Variants in CCP110 observed in about 807,000 individuals in gnomAD.
CCP110 encodes centriolar coiled-coil protein of 110 kDa.
A neutral mutation model predicts 105.5 loss-of-function variants in CCP110; 43 were observed. That is an observed-to-expected ratio of 0.41 (90% CI 0.32 to 0.53). The LOEUF (loss-of-function observed/expected upper bound fraction) is 0.53. Among genes scored for constraint, CCP110 ranks in the 20% least tolerant of loss-of-function variants. The pLI, the probability that CCP110 is intolerant of heterozygous loss-of-function variation, is 0.32. For missense variants in CCP110, 1,016 were observed against 1,189.1 expected (o/e 0.85, Z 2.14); for synonymous variants, 353 against 392.1 (o/e 0.90, Z 1.18).
intron 14 of CCP110, among the ~76,000 whole-genome samples, chr16:19,549,599 G>T (rs2151485594): frequency 6.6e-6 from 1 of 152,306 alleles, no homozygotes; most frequent in South Asian, 2.1e-4. Context: ...TGTCTTAAAG[G>T]ATTACATAGC....
exon 4 of CCP110, chr16:19,537,567 T>C: frequency 1.9e-6 from 3 of 1,571,222 alleles, no homozygotes; most frequent in Non-Finnish European, 2.6e-6. Context: ...AAGAATAAAA[T>C]GTTAGGAACT....
At chr16:19,537,465 A>T in exon 4 of CCP110, 1 of 1,612,976 alleles carries the variant, frequency 6.2e-7, no homozygotes, top group Non-Finnish European at 8.5e-7. Context: ...CAAAAAGAAA[A>T]CTGCCCTTAT....
intron 3 of CCP110, among the ~76,000 whole-genome samples, chr16:19,532,883 C>A (rs1969923680): frequency 6.6e-6 from 1 of 152,196 alleles, no homozygotes; most frequent in Non-Finnish European, 1.5e-5. Context: ...ACTAATTAGA[C>A]TATTGACTAA....
exon 4 of CCP110, chr16:19,536,006 G>C: frequency 1.9e-6 from 3 of 1,613,968 alleles, no homozygotes; most frequent in Non-Finnish European, 2.5e-6. Flanking sequence ...CTCTAATTCA[G>C]AAGTCAGAAA....
chr16:19,524,784 A>G (rs137893986), intron 1 of CCP110: 2 of 152,286 alleles, frequency 1.3e-5, no homozygotes, highest in East Asian at 3.9e-4. Context: ...TTTCAGTTTC[A>G]TTTGAAACCT....
chr16:19,539,684 A>T (rs1597267008), intron 4 of CCP110, among the ~76,000 whole-genome samples: 1 of 151,742 alleles, frequency 6.6e-6, no homozygotes, highest in South Asian at 2.1e-4. Flanking sequence ...GAGCTCTAAT[A>T]AAAACAACCA....
chr16:19,530,138 G>A (rs1969812391), intron 2 of CCP110, among the ~76,000 whole-genome samples: 2 of 151,850 alleles, frequency 1.3e-5, no homozygotes, highest in East Asian at 1.9e-4. Flanking sequence ...CTGAGGCTGC[G>A]GTGAACCCTG....
At chr16:19,546,174 CT>C in intron 11 of CCP110, 1 of 510,602 alleles carries the variant, frequency 2.0e-6, no homozygotes, top group South Asian at 3.2e-5. Flanking sequence ...AAATATATTC[CT>C]TTTCTGATGT....
chr16:19,525,045 A>G (rs148566147), intron 1 of CCP110: 3 of 152,332 alleles, frequency 2.0e-5, no homozygotes, highest in African/African-American at 7.2e-5. Flanking sequence ...CTGGCTTGCC[A>G]AGAACTTGCA....
intron 1 of CCP110, chr16:19,527,116 A>G (rs1969699895): frequency 6.6e-6 from 1 of 152,194 alleles, no homozygotes; most frequent in Admixed American, 6.5e-5. Flanking sequence ...GGATTGTTTT[A>G]AGTAGTTTGG....
At chr16:19,533,469 AAG>A (rs1476218170) in intron 3 of CCP110, among the ~76,000 whole-genome samples, 1 of 152,132 alleles carries the variant, frequency 6.6e-6, no homozygotes, top group African/African-American at 2.4e-5. Context: ...GGAAAGAGGA[AAG>A]AAAAAAAAAG....
Position 19,532,620 on chromosome 16 carries a change from A to G in CCP110, c.270+76A>G, listed in dbSNP as rs1969914337. ...GTTGATGATAATTTTTCTGAAATAT[A>G]TTTGCACTTAACTAATTACTAATGT... On this transcript the variant is annotated intron_variant, in intron 3 of 14. Transcript: ENST00000381396. The G allele has an allele frequency of 1.2e-5, 15 of 1,212,454 alleles. No individual in the cohort carries two copies. The South Asian group carries it at 2.1e-4, about 17-fold the overall frequency. The allele number at this position is 1,212,454 out of a possible 1,614,324, so 75.1% of individuals were successfully genotyped here.
At chr16:19,546,329 TTC>T in intron 11 of CCP110, 81 bp from the exon 12 acceptor site, 1 of 787,384 alleles carries the variant, frequency 1.3e-6, no homozygotes, top group South Asian at 1.7e-5. Flanking sequence ...GATGATTTGT[TTC>T]TGTCATCCTG....
rs116624947 is a variant in CCP110 at position 19,534,489 on chromosome 16, C to T, written c.271-1451C>T. ...TCTAACTAAAGGCTCATTTTAGTGA[C>T]GTATAAACAACATAGCTTCCGAATA... On this transcript the variant is annotated intron_variant, in intron 3 of 14. Transcript: ENST00000381396. Among the ~76,000 whole-genome samples the T allele has an allele frequency of 8.7e-3, 1,323 of 152,116 alleles. 20 individuals are homozygous for T. Among genetic ancestry groups the T allele is most frequent in the African/African-American group, 0.03 (1,230 of 41,458 alleles).
chr16:19,536,957 A>C, exon 4 of CCP110: 1 of 1,614,234 alleles, frequency 6.2e-7, no homozygotes, highest in Non-Finnish European at 8.5e-7. Context: ...AAAGTTACCA[A>C]CTGATTTAGC....
At chr16:19,537,471 C>A (rs200731280) in exon 4 of CCP110, 2 of 1,611,832 alleles carry the variant, frequency 1.2e-6, no homozygotes, top group African/African-American at 2.7e-5. Flanking sequence ...GAAAACTGCC[C>A]TTATGTCATA....
chr16:19,536,570 C>T (rs1203045230), exon 4 of CCP110: 1 of 1,614,140 alleles, frequency 6.2e-7, no homozygotes, highest in Non-Finnish European at 8.5e-7. Flanking sequence ...ATCAAATGTT[C>T]TTCTCCAAGG....
chr16:19,537,121 A>G, exon 4 of CCP110: 1 of 1,614,238 alleles, frequency 6.2e-7, no homozygotes, highest in Non-Finnish European at 8.5e-7. Context: ...AAGGTCAGTT[A>G]ACATCCGATG....
In CCP110 at chr16:19,546,494, C is replaced by T. The variant is rs1970463368; in HGVS notation, c.2840+20C>T. On this transcript the variant is annotated intron_variant, in intron 12 of 14. Coordinates refer to ENST00000381396, the Ensembl canonical transcript of CCP110. ...AACAAGGTGAGAAAAATCACTTAGT[C>T]TTAATGAGAGGCTTTTTGTTTTTTA... The T allele has an allele frequency of 7.0e-7, 1 of 1,435,698 alleles. No individual in the cohort carries two copies. 88.9% of individuals were successfully genotyped at this position (1,435,698 alleles called of 1,614,324 possible).
Sources: allele counts gnomAD v4.1 joint callset (sites outside exome capture counted in the v4.1 genomes callset), GRCh38; gene constraint gnomAD v4.1.1; transcripts MANE v1.5; gene names NCBI Gene and HGNC (gene_info 2026-07-23, HGNC 2026-07-21).